METAP1D: variants seen among roughly 807,000 people sequenced by gnomAD.
METAP1D encodes methionine aminopeptidase 1D, mitochondrial.
In METAP1D, 31 loss-of-function variants were observed where a neutral mutation model predicts 40.5. That is an observed-to-expected ratio of 0.77 (90% CI 0.58 to 1.03). The LOEUF is 1.03. Ranked by LOEUF, METAP1D falls within the 50% of genes least tolerant of loss-of-function variation. METAP1D has a pLI of 0.00. For missense variants in METAP1D, 411 were observed against 420.7 expected, an observed-to-expected ratio of 0.98 and a Z score of 0.20; for synonymous variants, 151 against 146.4, an observed-to-expected ratio of 1.03 and a Z score of -0.22.
At chr2:172,006,925 G>T (rs931526290) in intron 1 of METAP1D, among the ~76,000 whole-genome samples, 1 of 151,800 alleles carries the variant, frequency 6.6e-6, no homozygotes, top group Admixed American at 6.6e-5. Context: ...TTCTTCTTAC[G>T]TTGTACATAT....
intron 1 of METAP1D, among the ~76,000 whole-genome samples, chr2:172,055,753 G>A (rs1432994518): frequency 2.6e-5 from 4 of 152,294 alleles, no homozygotes; most frequent in South Asian, 2.1e-4. Context: ...AAAAGAATTC[G>A]TTTCAAATAC....
chr2:172,035,204 A>G (rs1001453455), intron 1 of METAP1D, among the ~76,000 whole-genome samples: 4 of 151,616 alleles, frequency 2.6e-5, no homozygotes, highest in Middle Eastern at 3.2e-3. Flanking sequence ...TCGCCCTGTC[A>G]CCCAGGCTGG....
chr2:172,058,971 G>A (rs1192491944), intron 1 of METAP1D, among the ~76,000 whole-genome samples: 1 of 152,190 alleles, frequency 6.6e-6, no homozygotes, highest in African/African-American at 2.4e-5. Context: ...CTCTAGGCCA[G>A]TTCTCAAGCT....
At position 171,999,973 on chromosome 2, in the gene METAP1D, G is replaced by T; in HGVS notation, c.4G>T (p.Ala2Ser). The T allele has an allele frequency of 7.3e-7, 1 of 1,363,422 alleles. No homozygotes were observed. The highest frequency in any genetic ancestry group is 9.5e-7 in the Non-Finnish European group (1 of 1,051,154). 84.5% of individuals were successfully genotyped at this position (1,363,422 alleles called of 1,614,324 possible). A position where few individuals can be genotyped will look rare whatever the true frequency, so the allele number is the denominator to read the frequency against. ...CGGCCACGTGACCGACGCCAACATG[G>T]CGGCGCCCAGTGGCGTCCACCTGCT... Reference protein sequence around the residue: MAAPSGVHLLVR... With the variant: MSAPSGVHLLVR... Residue 2 changes from alanine (A) to serine (S), a missense_variant, in exon 1 of 10, where the codon GCG (alanine) becomes TCG (serine). Ala to Ser is a moderately conservative substitution (Grantham distance 99, BLOSUM62 1). Transcript: ENST00000315796.
intron 6 of METAP1D, among the ~76,000 whole-genome samples, chr2:172,072,714 A>C (rs1362425936): frequency 6.6e-6 from 1 of 151,908 alleles, no homozygotes; most frequent in Non-Finnish European, 1.5e-5. Flanking sequence ...CTTTCTTGTT[A>C]AAGTAATTTT....
Position 171,999,983 on chromosome 2 carries a change from G to A in METAP1D, c.14G>A (p.Ser5Asn), listed in dbSNP as rs1212147528. 3.0e-6 allele frequency: 4 copies of A among 1,352,768 alleles called. No homozygotes were observed. The highest frequency in any genetic ancestry group is 3.8e-6 in the Non-Finnish European group (4 of 1,045,678). 83.8% of individuals were successfully genotyped at this position (1,352,768 alleles called of 1,614,324 possible). A position where few individuals can be genotyped will look rare whatever the true frequency, so the allele number is the denominator to read the frequency against. The change falls in exon 1 of 10, where the codon AGT (serine) becomes AAT (asparagine). Residue 5 changes from serine to asparagine, a missense_variant. Ser to Asn is a conservative substitution (Grantham distance 46, BLOSUM62 1). Transcript: ENST00000315796. Reference protein sequence around the residue: MAAPSGVHLLVRRGS... With the variant: MAAPNGVHLLVRRGS... ...ACCGACGCCAACATGGCGGCGCCCA[G>A]TGGCGTCCACCTGCTCGTCCGCAGA...
At position 172,068,300 on chromosome 2, in the gene METAP1D, G is replaced by C. The variant is rs142112205; in HGVS notation, c.540+1994G>C. Among the ~76,000 whole-genome samples, 962 of 152,074 alleles carry C rather than the reference G, an allele frequency of 6.3e-3. 12 individuals are homozygous for C. The highest frequency in any genetic ancestry group is 0.022 in the African/African-American group (920 of 41,494). ...CCCAGCTACTTAGGAGGCTGAGGCA[G>C]GGAGAATTGCTTGAACCTGAGAGGC... On this transcript the variant is annotated intron_variant, in intron 5 of 9. Transcript: ENST00000315796.
chr2:172,026,570 C>T (rs1159331585), intron 1 of METAP1D, among the ~76,000 whole-genome samples: 1 of 152,180 alleles, frequency 6.6e-6, no homozygotes, highest in Non-Finnish European at 1.5e-5. Context: ...CTAGAGCTTT[C>T]ACAGATTTCA....
rs558823442 is a variant in METAP1D at position 172,044,615 on chromosome 2, C to T, written c.41-16883C>T. 3.1e-5 allele frequency among the ~76,000 whole-genome samples: 4 copies of T among 131,024 alleles called. 1 individual carries two copies. The highest frequency in any genetic ancestry group is 1.0e-4 in the African/African-American group (4 of 39,056). The allele number at this position is 131,024 out of a possible 152,430, so 86.0% of individuals were successfully genotyped here. A position where few individuals can be genotyped will look rare whatever the true frequency, so the allele number is the denominator to read the frequency against. ...TCTAAAAAATAAAAATAAAATAAGT[C>T]AGGTGAAGAGGCTGGGCGTGGTGGC... is the stretch of plus-strand genomic sequence containing the variant. On this transcript the variant is annotated intron_variant, in intron 1 of 9. Transcript: ENST00000315796.
At chr2:172,038,994 T>C (rs1319490131) in intron 1 of METAP1D, among the ~76,000 whole-genome samples, 1 of 152,234 alleles carries the variant, frequency 6.6e-6, no homozygotes. Context: ...GTTATAAGTA[T>C]AAATTCTGTC....
chr2:172,026,601 C>G (rs1689125152), intron 1 of METAP1D, among the ~76,000 whole-genome samples: 1 of 152,302 alleles, frequency 6.6e-6, no homozygotes, highest in South Asian at 2.1e-4. Context: ...ATAGCGCCTA[C>G]CTAGACATTC....
At chr2:172,029,814 G>A (rs1689198601) in intron 1 of METAP1D, among the ~76,000 whole-genome samples, 1 of 152,088 alleles carries the variant, frequency 6.6e-6, no homozygotes, top group African/African-American at 2.4e-5. Context: ...GAGTGCAGTG[G>A]CACCATCTCA....
chr2:172,056,048 A>G (rs1338491646), intron 1 of METAP1D, among the ~76,000 whole-genome samples: 2 of 152,206 alleles, frequency 1.3e-5, no homozygotes, highest in Non-Finnish European at 2.9e-5. Flanking sequence ...GATTCCCCCT[A>G]TAATGACTGT....
At chr2:172,031,498 A>C (rs1689241294) in intron 1 of METAP1D, among the ~76,000 whole-genome samples, 2 of 145,884 alleles carry the variant, frequency 1.4e-5, no homozygotes. Context: ...GACTTATCTC[A>C]GTTGTAAAAT....
At chr2:172,007,793 A>G (rs1233246070) in intron 1 of METAP1D, among the ~76,000 whole-genome samples, 2 of 152,026 alleles carry the variant, frequency 1.3e-5, no homozygotes, top group Non-Finnish European at 2.9e-5. Flanking sequence ...GGGTTCAAGC[A>G]GTTCTCCTGC....
At chr2:172,063,599 G>A (rs1027300587) in intron 2 of METAP1D, 112 bp from the exon 3 acceptor site, 4 of 830,548 alleles carry the variant, frequency 4.8e-6, no homozygotes, top group Non-Finnish European at 5.9e-6. Context: ...TCGGAGGTCG[G>A]TGCTCCGGCA....
intron 1 of METAP1D, among the ~76,000 whole-genome samples, chr2:172,034,893 A>G (rs1247407761): frequency 1.3e-5 from 2 of 151,978 alleles, no homozygotes; most frequent in African/African-American, 4.8e-5. Context: ...ATTTTTCTTG[A>G]TTGGAAGAAA....
rs759569027 is a variant in METAP1D, at chr2:172,080,370, C to T, written c.972C>T (p.Gly324=). 5 of 1,613,892 alleles carry T rather than the reference C, an allele frequency of 3.1e-6. No homozygotes were observed. The highest frequency in any genetic ancestry group is 1.6e-4 in the Middle Eastern group (1 of 6,082). ...ACACGGTTCTGATCACGTCGAGGGG[C>T]GCGCAGATCCTGACCAAACTACCCC... ...FEHTVLITSR[G]AQILTKLPHE... is the part of the protein sequence containing the mutation. Residue 324 remains glycine (G), a synonymous_variant, in exon 10 of 10, where the codon GGC becomes GGT. Transcript: ENST00000315796.
chr2:172,015,848 G>A (rs754215043), intron 1 of METAP1D, among the ~76,000 whole-genome samples: 43 of 151,952 alleles, frequency 2.8e-4, no homozygotes, highest in South Asian at 2.1e-4. Flanking sequence ...GTAGCTACTC[G>A]GGAGGCTGAG....
Sources: allele counts gnomAD v4.1 joint callset (sites outside exome capture counted in the v4.1 genomes callset), GRCh38; gene constraint gnomAD v4.1.1; transcripts MANE v1.5; gene names NCBI Gene and HGNC (gene_info 2026-07-23, HGNC 2026-07-21).